The following RALGAPA1 variants were observed in gnomAD, a reference collection of about 807,000 sequenced individuals.
RALGAPA1 encodes Ral GTPase activating protein catalytic subunit alpha 1, also known as ral GTPase-activating protein subunit alpha-1.
A neutral mutation model predicts 269.6 loss-of-function variants in RALGAPA1; 52 were observed. The observed-to-expected ratio is 0.19, with a 90% CI of 0.15 to 0.24. The LOEUF (loss-of-function observed/expected upper bound fraction) is 0.24. RALGAPA1 is among the 10% of genes least tolerant of loss of function. The probability of loss-of-function intolerance (pLI) is 1.00; values close to 1 mark genes in which losing one functional copy is unlikely to be tolerated. For synonymous variants in RALGAPA1, 817 were observed against 1,008.3 expected (o/e 0.81, Z 3.60); for missense variants, 1,917 against 3,013.9 (o/e 0.64, Z 8.52).
intron 39 of RALGAPA1, among the ~76,000 whole-genome samples, chr14:35,569,315 A>G (rs1420744797): frequency 6.6e-6 from 1 of 152,228 alleles, no homozygotes; most frequent in Non-Finnish European, 1.5e-5. Flanking sequence ...TTTAAATCAT[A>G]TAGAAAAATT....
chr14:35,684,262 T>C (rs976793490), intron 20 of RALGAPA1, among the ~76,000 whole-genome samples: 3 of 152,204 alleles, frequency 2.0e-5, no homozygotes, highest in African/African-American at 7.2e-5. Flanking sequence ...TTTTTAAAAA[T>C]TTGGTGCCCT....
rs547234454 is a variant in RALGAPA1 at position 35,593,560 on chromosome 14, C to A, written c.7209+2074G>T. Reference sequence around the variant, plus strand: ...AAAAAACACAAAGGGGCATCATATTCCCTGATTTAAAATTATATTACAGGC... The same window carrying A: ...AAAAAACACAAAGGGGCATCATATTACCTGATTTAAAATTATATTACAGGC... On this transcript the variant is annotated intron_variant, in intron 37 of 41. Coordinates refer to ENST00000680220, the MANE Select transcript of RALGAPA1 (RefSeq NM_001346249.2). 1.6e-3 allele frequency among the ~76,000 whole-genome samples: 248 copies of A among 152,082 alleles called. 5 individuals carry two copies. In the South Asian group the frequency reaches 0.025, roughly 15 times the overall value.
intron 4 of RALGAPA1, chr14:35,766,463 C>T: frequency 6.5e-7 from 1 of 1,542,942 alleles, no homozygotes; most frequent in Non-Finnish European, 8.9e-7. Flanking sequence ...CTGAGGGGGC[C>T]AAAGCAATTG....
Position 35,809,025 on chromosome 14 carries a change from C to A in RALGAPA1, c.-190G>T. On this transcript the variant is annotated 5_prime_UTR_variant, in exon 1 of 42. Coordinates refer to ENST00000680220, the MANE Select transcript of RALGAPA1 (RefSeq NM_001346249.2). ...GGCCGCCACCTCCACCCGCCTCGCG[C>A]CGCGGCTCCAAGGCACCTTCGGCCC... 1 of 1,169,290 alleles carries A rather than the reference C, an allele frequency of 8.6e-7. No homozygotes were observed. The highest frequency in any genetic ancestry group is 1.2e-6 in the Non-Finnish European group (1 of 862,356). 72.4% of individuals were successfully genotyped at this position (1,169,290 alleles called of 1,614,324 possible). A position where few individuals can be genotyped will look rare whatever the true frequency, so the allele number is the denominator to read the frequency against.
At chr14:35,553,080 C>T (rs1272323631) in intron 39 of RALGAPA1, among the ~76,000 whole-genome samples, 1 of 152,016 alleles carries the variant, frequency 6.6e-6, no homozygotes, top group African/African-American at 2.4e-5. Context: ...GTGGGGATAC[C>T]ATCACCTGCT....
At chr14:35,541,863 T>G (rs886164450) in intron 41 of RALGAPA1, 1 of 464,490 alleles carries the variant, frequency 2.2e-6, no homozygotes, top group Non-Finnish European at 4.3e-6. Context: ...AAAGAGAAGA[T>G]AGATAACAGA....
chr14:35,692,505 T>C lies in RALGAPA1; in HGVS notation c.2408-2502A>G, dbSNP rs184212429. On this transcript the variant is annotated intron_variant, in intron 17 of 41. Transcript: ENST00000680220. ...TATTTCAGCCTATGTTTTTTTTTTT[T>C]CCTAAAACTTGTTACCATATATGAC... is the stretch of plus-strand genomic sequence containing the variant. Among the ~76,000 whole-genome samples the C allele has an allele frequency of 2.6e-3, 396 of 151,422 alleles. 11 individuals carry two copies. In the East Asian group the frequency reaches 0.046, roughly 18 times the overall value.
intron 31 of RALGAPA1, among the ~76,000 whole-genome samples, chr14:35,651,228 A>C (rs1243609963): frequency 6.6e-6 from 1 of 152,138 alleles, no homozygotes; most frequent in African/African-American, 2.4e-5. Context: ...CTATAAGAGA[A>C]GATGTATATA....
chr14:35,741,154 T>C (rs767964133), intron 11 of RALGAPA1, among the ~76,000 whole-genome samples: 15 of 152,142 alleles, frequency 9.9e-5, no homozygotes, highest in South Asian at 4.1e-4. Flanking sequence ...TGTATGTAGA[T>C]AGTTTATATT....
chr14:35,553,910 A>T (rs2055272688), intron 39 of RALGAPA1, among the ~76,000 whole-genome samples: 1 of 151,764 alleles, frequency 6.6e-6, no homozygotes, highest in Admixed American at 6.6e-5. Flanking sequence ...GCCCATTCTG[A>T]AATTCTTAAT....
intron 1 of RALGAPA1, among the ~76,000 whole-genome samples, chr14:35,778,773 A>G (rs2075234003): frequency 6.6e-6 from 1 of 152,246 alleles, no homozygotes; most frequent in African/African-American, 2.4e-5. Flanking sequence ...TCCTGTCTGT[A>G]ACACTTACTA....
At chr14:35,784,876 C>T (rs142584616) in intron 1 of RALGAPA1, among the ~76,000 whole-genome samples, 52 of 152,128 alleles carry the variant, frequency 3.4e-4, no homozygotes, top group African/African-American at 4.6e-4. Context: ...CGATGATAGG[C>T]GAGTAATCAA....
At chr14:35,655,152 C>T (rs2063097696) in intron 29 of RALGAPA1, among the ~76,000 whole-genome samples, 1 of 152,086 alleles carries the variant, frequency 6.6e-6, no homozygotes, top group South Asian at 2.1e-4. Flanking sequence ...TGTTATCCCT[C>T]ACTGTCTAGC....
Position 35,801,282 on chromosome 14 carries a change from C to CAT in RALGAPA1, c.106+7446_106+7447dup, listed in dbSNP as rs1555448486. ...ACACACACACACACACACACACACA[C>CAT]ATTTGAGATAGAGTCTCGCTCTGTT... On this transcript the variant is annotated intron_variant, in intron 1 of 41. Transcript: ENST00000680220. 1.0e-3 allele frequency among the ~76,000 whole-genome samples: 145 copies of CAT among 143,202 alleles called. 1 individual carries two copies. Among genetic ancestry groups the CAT allele is most frequent in the African/African-American group, 3.8e-3 (132 of 35,062 alleles). The allele number at this position is 143,202 out of a possible 152,430, so 93.9% of individuals were successfully genotyped here.
At chr14:35,766,531 C>A in intron 4 of RALGAPA1, 2 of 1,061,628 alleles carry the variant, frequency 1.9e-6, no homozygotes, top group Non-Finnish European at 2.9e-6. Context: ...TTGTGCACAT[C>A]AGAAGCAGCA....
chr14:35,738,232 G>A (rs1041165838), intron 12 of RALGAPA1, among the ~76,000 whole-genome samples: 7 of 151,944 alleles, frequency 4.6e-5, no homozygotes, highest in African/African-American at 1.7e-4. Context: ...TGGCTGTATA[G>A]TAACAACAAA....
intron 33 of RALGAPA1, among the ~76,000 whole-genome samples, chr14:35,629,824 T>C (rs2061237986): frequency 6.6e-6 from 1 of 152,222 alleles, no homozygotes; most frequent in South Asian, 2.1e-4. Context: ...AATGTTCTGA[T>C]TTACATACAT....
In RALGAPA1 at chr14:35,745,469, A is replaced by G. The variant is rs144475181; in HGVS notation, c.1252-2904T>C. Among the ~76,000 whole-genome samples the G allele has an allele frequency of 1.1e-4, 17 of 151,854 alleles. 1 individual carries two copies. The highest frequency in any genetic ancestry group is 3.6e-4 in the African/African-American group (15 of 41,376). Reference sequence around the variant, plus strand: ...CACACACAGTATTATCCAGCCTTTAAAAAGCAGAAAATCTGGCCGGGCACA... The same window carrying G: ...CACACACAGTATTATCCAGCCTTTAGAAAGCAGAAAATCTGGCCGGGCACA... On this transcript the variant is annotated intron_variant, in intron 10 of 41. Transcript: ENST00000680220.
At chr14:35,662,532 A>G (rs1051559088) in intron 27 of RALGAPA1, among the ~76,000 whole-genome samples, 6 of 152,182 alleles carry the variant, frequency 3.9e-5, no homozygotes, top group African/African-American at 1.4e-4. Context: ...TTTGTTTTTC[A>G]TACAAAAAAA....
Sources: gnomAD v4.1 joint callset for allele counts (sites outside exome capture counted in the v4.1 genomes callset) on GRCh38, gnomAD v4.1.1 for gene constraint, MANE v1.5 for transcripts, NCBI Gene and HGNC (gene_info 2026-07-23, HGNC 2026-07-21) for gene names.